HS1BP3: variants seen among roughly 807,000 people sequenced by gnomAD.
HS1BP3 encodes HCLS1 binding protein 3, also known as HCLS1-binding protein 3.
A neutral mutation model predicts 33.5 loss-of-function variants in HS1BP3; 32 were observed. That is an observed-to-expected ratio of 0.95 (90% confidence interval 0.72 to 1.28). The LOEUF (loss-of-function observed/expected upper bound fraction) is 1.28, where lower values mean the gene tolerates loss of function less well. HS1BP3 is among the 50% of genes most tolerant of loss of function. HS1BP3 has a pLI of 0.00. For missense variants in HS1BP3, 486 were observed against 502.3 expected (o/e 0.97, Z 0.31); for synonymous variants, 187 against 209.2 (o/e 0.89, Z 0.92).
intron 4 of HS1BP3, chr2:20,638,106 C>G: frequency 2.0e-6 from 1 of 496,692 alleles, no homozygotes; most frequent in Non-Finnish European, 3.5e-6. Flanking sequence ...ACCCAGTCCT[C>G]CCACACTAGC....
chr2:20,571,382 C>G (rs1185222807), intron 5 of HS1BP3, among the ~76,000 whole-genome samples: 1 of 152,196 alleles, frequency 6.6e-6, no homozygotes, highest in Non-Finnish European at 1.5e-5. Flanking sequence ...CCATGCACCT[C>G]CAGACTCTTG....
chr2:20,591,565 G>A (rs1410624091), downstream of HS1BP3, among the ~76,000 whole-genome samples: 3 of 152,086 alleles, frequency 2.0e-5, no homozygotes, highest in East Asian at 3.8e-4. Context: ...AGTTCTGGTC[G>A]ACCATTGTGT....
intron 4 of HS1BP3, among the ~76,000 whole-genome samples, chr2:20,632,936 A>G (rs903433591): frequency 1.3e-5 from 2 of 152,262 alleles, no homozygotes; most frequent in Admixed American, 6.5e-5. Flanking sequence ...TTATATTCAT[A>G]TTTCAACTGT....
rs1694309464 is a variant in HS1BP3 at position 20,611,064 on chromosome 2, T to C, written c.179-12799A>G. On this transcript the variant is annotated intron_variant, in intron 2 of 3. Coordinates refer to the HS1BP3 transcript ENST00000415264. The surrounding 1 kb of genome is among the most constrained non-coding windows in gnomAD (Gnocchi z 4.9). ...ATGTGGGATCATACAAGATATAGTT[T>C]TGGGGTCTGGCTTCTTTCACTTAGC... Among the ~76,000 whole-genome samples, 1 of 152,240 alleles carries C rather than the reference T, an allele frequency of 6.6e-6. No homozygotes were observed. Among genetic ancestry groups the C allele is most frequent in the African/African-American group, 2.4e-5 (1 of 41,464 alleles).
downstream of HS1BP3, among the ~76,000 whole-genome samples, chr2:20,590,471 C>T (rs1034513526): frequency 6.6e-6 from 1 of 152,222 alleles, no homozygotes; most frequent in African/African-American, 2.4e-5. Flanking sequence ...CCCTGCCTCA[C>T]CCCCTCATCC....
At chr2:20,591,637 T>C (rs1401741797), downstream of HS1BP3, among the ~76,000 whole-genome samples, 1 of 152,220 alleles carries the variant, frequency 6.6e-6, no homozygotes, top group African/African-American at 2.4e-5. Context: ...AGTGGCGCGA[T>C]CTTGGCTCAT....
chr2:20,555,757 G>C (rs1430414999), downstream of HS1BP3, among the ~76,000 whole-genome samples: 3 of 150,724 alleles, frequency 2.0e-5, no homozygotes, highest in Non-Finnish European at 4.4e-5. Context: ...CTTGTATCCA[G>C]TTATGAAACT....
chr2:20,650,851 A>C (rs953844013), intron 1 of HS1BP3, among the ~76,000 whole-genome samples, 181 bp downstream of exon 1: 1 of 152,070 alleles, frequency 6.6e-6, no homozygotes, highest in African/African-American at 2.4e-5. Flanking sequence ...CTCATCTGTA[A>C]ATCGGGGTCG....
rs372116768 is a variant in HS1BP3, at chr2:20,634,448, C to T, written c.623+3988G>A. ...TGTTGCACTGGTGGCATCAGGGGAG[C>T]CCTGGGTGCCCAGGCTCAGGCTGGA... On this transcript the variant is annotated intron_variant, in intron 4 of 6. Transcript: ENST00000304031. 4.1e-4 allele frequency among the ~76,000 whole-genome samples: 63 copies of T among 152,304 alleles called. No individual in the cohort carries two copies. In the South Asian group the frequency reaches 0.013, roughly 31 times the overall value.
At position 20,611,082 on chromosome 2, in the gene HS1BP3, C is replaced by T. The variant is rs1229873248; in HGVS notation, c.178+12814G>A. 1.3e-5 allele frequency among the ~76,000 whole-genome samples: 2 copies of T among 152,196 alleles called. No homozygotes were observed. The highest frequency in any genetic ancestry group is 4.8e-5 in the African/African-American group (2 of 41,452). ...TATAGTTTTGGGGTCTGGCTTCTTT[C>T]ACTTAGCATGTTTGTGATATCCATT... On this transcript the variant is annotated intron_variant, in intron 2 of 3. Coordinates refer to the HS1BP3 transcript ENST00000415264. This position sits in a 1 kb window ranked among gnomAD's most constrained non-coding sequence, Gnocchi z 4.9.
intron 5 of HS1BP3, among the ~76,000 whole-genome samples, chr2:20,568,588 C>A (rs1028909227): frequency 1.2e-4 from 19 of 152,048 alleles, no homozygotes; most frequent in African/African-American, 4.1e-4. Context: ...TGACAGGAAC[C>A]AAATCAGGAG....
At chr2:20,632,212 C>T (rs1694990155) in intron 4 of HS1BP3, among the ~76,000 whole-genome samples, 3 of 152,256 alleles carry the variant, frequency 2.0e-5, no homozygotes, top group Admixed American at 2.0e-4. Flanking sequence ...CCTCTCTTTG[C>T]ATCTTTGCCA....
At chr2:20,631,866 T>A (rs1694980084) in intron 4 of HS1BP3, among the ~76,000 whole-genome samples, 1 of 152,094 alleles carries the variant, frequency 6.6e-6, no homozygotes, top group Admixed American at 6.5e-5. Flanking sequence ...AGAGCCTGAA[T>A]ACACAAAGGG....
intron 5 of HS1BP3, among the ~76,000 whole-genome samples, chr2:20,567,868 A>C (rs551894464): frequency 6.6e-6 from 1 of 152,322 alleles, no homozygotes; most frequent in East Asian, 1.9e-4. Flanking sequence ...AGAGGAGATG[A>C]GTTCCAATGA....
chr2:20,622,338 AAAGCAGTTAATCCTTTC>A, intron 6 of HS1BP3: 1 of 1,304,052 alleles, frequency 7.7e-7, no homozygotes, highest in Non-Finnish European at 1.0e-6. Context: ...AAAAAAAAGA[AAAGCAGTTAATCCTTTC>A]ATTAGCAGAT....
At chr2:20,645,314 C>T in intron 2 of HS1BP3, 26 bp downstream of exon 2, 1 of 1,603,476 alleles carries the variant, frequency 6.2e-7, no homozygotes, top group Non-Finnish European at 8.5e-7. Flanking sequence ...ACCCTCGAAA[C>T]ATCCTGGCCA....
chr2:20,598,057 A>C (rs1236595161), intron 3 of HS1BP3, among the ~76,000 whole-genome samples: 1 of 152,206 alleles, frequency 6.6e-6, no homozygotes, highest in Non-Finnish European at 1.5e-5. Context: ...CCTTTTTGGC[A>C]TCAGGGAAGA....
At chr2:20,568,704 C>T (rs930296911) in intron 5 of HS1BP3, among the ~76,000 whole-genome samples, 3 of 152,160 alleles carry the variant, frequency 2.0e-5, no homozygotes, top group Non-Finnish European at 4.4e-5. Context: ...GCCCAGGCCA[C>T]ATCCCATTCC....
intron 2 of HS1BP3, among the ~76,000 whole-genome samples, chr2:20,598,427 G>A (rs1693992234): frequency 6.6e-6 from 1 of 152,130 alleles, no homozygotes; most frequent in Non-Finnish European, 1.5e-5. Context: ...GTGAAGCTCA[G>A]GCAGTAGTGC....
Sources: allele counts gnomAD v4.1 joint callset (sites outside exome capture counted in the v4.1 genomes callset), GRCh38; gene constraint gnomAD v4.1.1; non-coding constraint Gnocchi (gnomAD v3.1); transcripts MANE v1.5; gene names NCBI Gene and HGNC (gene_info 2026-07-23, HGNC 2026-07-21).